The following LSAMP variants were observed in gnomAD, a reference collection of about 807,000 sequenced individuals.
LSAMP encodes limbic system associated membrane protein.
A neutral mutation model predicts 38.6 loss-of-function variants in LSAMP; 7 were observed. The observed-to-expected ratio is 0.18, with a 90% CI of 0.10 to 0.34. The LOEUF is 0.34. LSAMP is among the 10% of genes least tolerant of loss of function. LSAMP has a pLI of 1.00. For synonymous variants in LSAMP, 154 were observed against 166.8 expected (o/e 0.92, Z 0.59); for missense variants, 313 against 420.0 (o/e 0.75, Z 2.23).
Position 116,174,538 on chromosome 3 carries a change from C to T in LSAMP, c.156-87982G>A, listed in dbSNP as rs184984774. ...TTTCAGTAAAGAAAACTGATAACTT[C>T]GCTAAAAAGCACCCAAAGAATTAGC... On this transcript the variant is annotated intron_variant, in intron 1 of 6. Coordinates refer to ENST00000490035, the MANE Select transcript of LSAMP (RefSeq NM_002338.5). 2.5e-3 allele frequency among the ~76,000 whole-genome samples: 377 copies of T among 152,114 alleles called. 4 individuals are homozygous for T. The highest frequency in any genetic ancestry group is 8.7e-3 in the African/African-American group (361 of 41,526).
intron 1 of LSAMP, among the ~76,000 whole-genome samples, chr3:116,293,887 TTC>T (rs1312200556): frequency 6.6e-6 from 1 of 152,208 alleles, no homozygotes; most frequent in Admixed American, 6.5e-5. Context: ...ATGTACTCTT[TTC>T]TCTCTCAGGT....
intron 1 of LSAMP, among the ~76,000 whole-genome samples, chr3:116,344,354 A>T (rs538705641): frequency 6.6e-6 from 1 of 152,306 alleles, no homozygotes; most frequent in South Asian, 2.1e-4. Context: ...GGGGTAAGAA[A>T]AATCTAAGTA....
At chr3:116,115,883 C>T (rs1708731248) in intron 1 of LSAMP, among the ~76,000 whole-genome samples, 1 of 151,632 alleles carries the variant, frequency 6.6e-6, no homozygotes, top group Admixed American at 6.6e-5. Flanking sequence ...GGTTCTTCTC[C>T]TTATCCCATT....
intron 1 of LSAMP, among the ~76,000 whole-genome samples, chr3:116,270,204 G>A (rs1366225079): frequency 6.6e-6 from 1 of 151,992 alleles, no homozygotes; most frequent in African/African-American, 2.4e-5. Flanking sequence ...TGGTCAATTA[G>A]TCACCGCAGA....
chr3:116,074,113 G>A (rs779278960), intron 2 of LSAMP, among the ~76,000 whole-genome samples: 3 of 152,144 alleles, frequency 2.0e-5, no homozygotes, highest in African/African-American at 7.2e-5. Context: ...ATTCTCCTTG[G>A]TTTTGAGTTC....
chr3:116,101,024 C>G (rs1708335590), intron 1 of LSAMP, among the ~76,000 whole-genome samples: 1 of 152,192 alleles, frequency 6.6e-6, no homozygotes, highest in South Asian at 2.1e-4. Flanking sequence ...TGCTTTTCAT[C>G]ACTATTTTAA....
intron 3 of LSAMP, among the ~76,000 whole-genome samples, chr3:115,967,300 A>G (rs1938849210): frequency 6.6e-6 from 1 of 152,210 alleles, no homozygotes; most frequent in African/African-American, 2.4e-5. Context: ...CTAAAACATA[A>G]CAAGAGTCAC....
chr3:115,883,973 A>C (rs551156748), intron 3 of LSAMP, among the ~76,000 whole-genome samples: 27 of 152,198 alleles, frequency 1.8e-4, no homozygotes, highest in Non-Finnish European at 3.4e-4. Flanking sequence ...ATAAGAAAAC[A>C]ATTACTGTGT....
At chr3:116,338,681 G>A (rs1932882350) in intron 1 of LSAMP, among the ~76,000 whole-genome samples, 1 of 152,004 alleles carries the variant, frequency 6.6e-6, no homozygotes, top group African/African-American at 2.4e-5. Context: ...AGGGGAGAAG[G>A]AGTTAATAGA....
At chr3:116,251,377 G>A (rs2046683032) in intron 1 of LSAMP, among the ~76,000 whole-genome samples, 1 of 152,128 alleles carries the variant, frequency 6.6e-6, no homozygotes, top group Non-Finnish European at 1.5e-5. Context: ...ATAGAAAACA[G>A]GCAGAAAGTA....
chr3:115,840,402 C>A (rs893333975), intron 6 of LSAMP, among the ~76,000 whole-genome samples: 1 of 151,740 alleles, frequency 6.6e-6, no homozygotes, highest in African/African-American at 2.4e-5. Flanking sequence ...AGGAATGAAT[C>A]AAGTAACTAC....
intron 1 of LSAMP, among the ~76,000 whole-genome samples, chr3:116,357,045 G>C (rs181129930): frequency 6.6e-6 from 1 of 152,030 alleles, no homozygotes; most frequent in Non-Finnish European, 1.5e-5. Context: ...CACCCGCCTC[G>C]GCCTCCCAAA....
At chr3:116,356,018 AG>A (rs1249602334) in intron 1 of LSAMP, among the ~76,000 whole-genome samples, 1 of 152,198 alleles carries the variant, frequency 6.6e-6, no homozygotes, top group African/African-American at 2.4e-5. Context: ...AATAGTTCAG[AG>A]GTTCCTCAAA....
chr3:116,433,670 G>A (rs1282422571), intron 1 of LSAMP, among the ~76,000 whole-genome samples: 3 of 152,092 alleles, frequency 2.0e-5, no homozygotes, highest in Non-Finnish European at 4.4e-5. Context: ...AGAATGGATC[G>A]GTGGAGATGA....
intron 1 of LSAMP, among the ~76,000 whole-genome samples, chr3:116,230,767 C>T (rs566487378): frequency 5.9e-5 from 9 of 151,862 alleles, no homozygotes; most frequent in Admixed American, 1.3e-4. Flanking sequence ...TAATTAATGC[C>T]GTTAGCTTTG....
intron 1 of LSAMP, among the ~76,000 whole-genome samples, chr3:116,401,527 C>T (rs111966582): frequency 0.11 from 16,583 of 152,234 alleles, 1,260 homozygotes; most frequent in African/African-American, 0.22. Flanking sequence ...AGCCATCCAC[C>T]TGCCTTAGCC....
At chr3:116,248,031 T>C (rs1197506423) in intron 1 of LSAMP, among the ~76,000 whole-genome samples, 1 of 152,152 alleles carries the variant, frequency 6.6e-6, no homozygotes. Context: ...GACATATTCT[T>C]TAATGCTGAC....
chr3:116,082,065 C>T (rs113387830), intron 2 of LSAMP, among the ~76,000 whole-genome samples: 1,740 of 152,200 alleles, frequency 0.011, 29 homozygotes, highest in African/African-American at 0.038. Flanking sequence ...ATAAGATTCT[C>T]GTTTTAAAAA....
chr3:116,282,947 T>C (rs2047145861), intron 1 of LSAMP, among the ~76,000 whole-genome samples: 3 of 152,120 alleles, frequency 2.0e-5, no homozygotes, highest in Admixed American at 2.0e-4. Flanking sequence ...AAGGTGCTTC[T>C]TACCCTCATC....
Sources: allele counts gnomAD v4.1 joint callset (sites outside exome capture counted in the v4.1 genomes callset), GRCh38; gene constraint gnomAD v4.1.1; transcripts MANE v1.5; gene names NCBI Gene and HGNC (gene_info 2026-07-23, HGNC 2026-07-21).